The following PKHD1 variants were observed in gnomAD, a reference collection of about 807,000 sequenced individuals.
PKHD1 encodes PKHD1 ciliary IPT domain containing fibrocystin/polyductin, also known as fibrocystin.
PKHD1 carries 291 observed loss-of-function variants against 412.0 expected under a neutral mutation model. That is an observed-to-expected ratio of 0.71 (90% CI 0.64 to 0.78). The LOEUF (loss-of-function observed/expected upper bound fraction) is 0.78, where lower values mean the gene tolerates loss of function less well. PKHD1 is among the 30% of genes least tolerant of loss of function. The probability of loss-of-function intolerance (pLI) is 0.00; values close to 1 mark genes in which losing one functional copy is unlikely to be tolerated. For missense variants in PKHD1, 4,825 were observed against 4,950.7 expected (o/e 0.97, Z 0.76); for synonymous variants, 1,777 against 1,821.5 (o/e 0.98, Z 0.62).
chr6:51,639,547 G>C (rs994705763), intron 63 of PKHD1, among the ~76,000 whole-genome samples: 1 of 151,382 alleles, frequency 6.6e-6, no homozygotes, highest in Middle Eastern at 3.4e-3. Context: ...TTAGCAACTT[G>C]AATTGCCTGA....
intron 35 of PKHD1, among the ~76,000 whole-genome samples, chr6:51,994,494 TTGGAACA>T (rs1323836211): frequency 6.6e-6 from 1 of 152,204 alleles, no homozygotes; most frequent in Non-Finnish European, 1.5e-5. Context: ...AGAATTCACA[TTGGAACA>T]TGTTGATTTT....
At chr6:51,989,890 AAGGAAGGAGGGAGGAAG>A (rs1796675572) in intron 35 of PKHD1, among the ~76,000 whole-genome samples, 1 of 110,040 alleles carries the variant, frequency 9.1e-6, no homozygotes, top group African/African-American at 3.5e-5. Flanking sequence ...AAAAGGAAGG[AAGGAAGGAGGGAGGAAG>A]GAAGGAAGGA....
intron 7 of PKHD1, 68 bp downstream of exon 7, chr6:52,073,395 A>T: frequency 1.1e-6 from 1 of 952,202 alleles, no homozygotes; most frequent in Admixed American, 1.7e-5. Flanking sequence ...GCCATCAGGG[A>T]AGCTGGTCCC....
chr6:51,926,138 A>G (rs1785578671), intron 37 of PKHD1, among the ~76,000 whole-genome samples: 1 of 152,162 alleles, frequency 6.6e-6, no homozygotes, highest in African/African-American at 2.4e-5. Context: ...TCAAACGGTG[A>G]TGGGGAAATG....
intron 20 of PKHD1, 24 bp downstream of exon 20, chr6:52,054,014 C>T: frequency 6.2e-7 from 1 of 1,613,386 alleles, no homozygotes; most frequent in Non-Finnish European, 8.5e-7. Context: ...GAATTCCCAC[C>T]ACGCCTCCCC....
chr6:51,816,208 A>G lies in PKHD1; in HGVS notation c.8302+14653T>C, dbSNP rs188916320. Among the ~76,000 whole-genome samples, 3 of 152,342 alleles carry G rather than the reference A, an allele frequency of 2.0e-5. No homozygotes were observed. The East Asian group carries it at 5.8e-4, about 29-fold the overall frequency. On this transcript the variant is annotated intron_variant, in intron 52 of 66. Coordinates refer to ENST00000371117, the MANE Select transcript of PKHD1 (RefSeq NM_138694.4). ...TAAAACATAGAAAAAGAAAATTTTC[A>G]AGGAATAGAATAAAAATAAGGAAAA...
intron 33 of PKHD1, 23 bp downstream of exon 33, chr6:52,022,778 A>C: frequency 6.2e-7 from 1 of 1,611,302 alleles, no homozygotes; most frequent in South Asian, 1.1e-5. Context: ...TTTAAAATAT[A>C]TGTGTGTGGC....
At chr6:51,781,041 T>G (rs9463710) in intron 53 of PKHD1, among the ~76,000 whole-genome samples, 88,751 of 151,616 alleles carry the variant, frequency 0.59, 26,705 homozygotes, top group East Asian at 0.83. Flanking sequence ...AAATGGTGTT[T>G]ACTTTGGAAG....
At chr6:51,729,765 A>G (rs1783026116) in intron 60 of PKHD1, among the ~76,000 whole-genome samples, 1 of 152,204 alleles carries the variant, frequency 6.6e-6, no homozygotes, top group Non-Finnish European at 1.5e-5. Context: ...AATAATAATT[A>G]TAGTAGCAGT....
At chr6:51,785,200 T>G (rs1328765549) in intron 53 of PKHD1, among the ~76,000 whole-genome samples, 1 of 152,138 alleles carries the variant, frequency 6.6e-6, no homozygotes, top group Non-Finnish European at 1.5e-5. Context: ...AAGGAAACTT[T>G]GGAAAATCAC....
At chr6:51,621,230 C>T (rs2150249187) in intron 66 of PKHD1, among the ~76,000 whole-genome samples, 1 of 152,298 alleles carries the variant, frequency 6.6e-6, no homozygotes, top group South Asian at 2.1e-4. Context: ...GTGCCGTCAA[C>T]CTTGCTCCCT....
Position 52,027,894 on chromosome 6 carries a change from A to T in PKHD1, c.3563T>A (p.Val1188Asp), listed in dbSNP as rs777440369. 2.5e-6 allele frequency: 4 copies of T among 1,611,348 alleles called. No homozygotes were observed. Among genetic ancestry groups the T allele is most frequent in the Middle Eastern group, 1.6e-4 (1 of 6,080 alleles). Residue 1188 changes from valine to aspartate, a missense_variant and splice_region_variant, in exon 31 of 67, where the codon GTT becomes GAT. By Grantham distance (152) the Val-to-Asp change is radical (BLOSUM62 -3). Coordinates refer to ENST00000371117, the MANE Select transcript of PKHD1 (RefSeq NM_138694.4). ...TGTGAGGTACTGGATGTGGAGATCA[A>T]CCCTACAGAAGATAGGCAGATGTTT... is the stretch of plus-strand genomic sequence containing the variant. The part of the protein sequence containing the change: ...INGVSIHSQG[V>D]DLHIQYLTEV...
At chr6:51,675,460 C>A (rs1562079447) in intron 60 of PKHD1, among the ~76,000 whole-genome samples, 1 of 152,102 alleles carries the variant, frequency 6.6e-6, no homozygotes, top group Non-Finnish European at 1.5e-5. Context: ...TAAATGAAAC[C>A]CATGCTGGCT....
intron 37 of PKHD1, among the ~76,000 whole-genome samples, chr6:51,923,465 T>C (rs1302909993): frequency 6.6e-6 from 1 of 151,062 alleles, no homozygotes; most frequent in African/African-American, 2.4e-5. Flanking sequence ...ATTTGGTCCA[T>C]GGCTCATAGT....
intron 63 of PKHD1, among the ~76,000 whole-genome samples, chr6:51,643,407 GA>G (rs1769640909): frequency 6.6e-6 from 1 of 150,890 alleles, no homozygotes; most frequent in Non-Finnish European, 1.5e-5. Flanking sequence ...AAAAAAAAAT[GA>G]CCAGGAGCAA....
At chr6:51,814,224 G>T (rs9395728) in intron 52 of PKHD1, among the ~76,000 whole-genome samples, 52,901 of 152,046 alleles carry the variant, frequency 0.35, 11,354 homozygotes, top group East Asian at 0.71. Context: ...ATTCAGACTT[G>T]CAAGATATCA....
chr6:52,073,170 G>A (rs1810877139), intron 7 of PKHD1, among the ~76,000 whole-genome samples: 1 of 152,174 alleles, frequency 6.6e-6, no homozygotes, highest in Non-Finnish European at 1.5e-5. Flanking sequence ...AGAAACAAAG[G>A]AAGGAAGGGT....
chr6:51,775,711 A>T, intron 54 of PKHD1, 97 bp downstream of exon 54: 2 of 704,172 alleles, frequency 2.8e-6, no homozygotes, highest in Non-Finnish European at 5.1e-6. Flanking sequence ...TTTGGAATTT[A>T]GCATATGTTC....
intron 63 of PKHD1, 101 bp downstream of exon 63, chr6:51,647,930 T>C: frequency 1.3e-6 from 1 of 773,822 alleles, no homozygotes; most frequent in East Asian, 2.5e-5. Flanking sequence ...CTGAAGAAAT[T>C]CAGTATTACC....
Sources: allele counts gnomAD v4.1 joint callset (sites outside exome capture counted in the v4.1 genomes callset), GRCh38; gene constraint gnomAD v4.1.1; transcripts MANE v1.5; gene names NCBI Gene and HGNC (gene_info 2026-07-23, HGNC 2026-07-21).